The following EYS variants were observed in gnomAD, a reference collection of about 807,000 sequenced individuals.
EYS encodes the protein protein eyes shut homolog.
In EYS, 250 loss-of-function variants were observed where a neutral mutation model predicts 282.1. The observed-to-expected ratio is 0.89, with a 90% CI of 0.80 to 0.98. EYS has a LOEUF of 0.98. EYS is among the 50% of genes least tolerant of loss of function. The pLI is 0.00. For missense variants in EYS, 4,016 were observed against 3,709.0 expected, an observed-to-expected ratio of 1.08 and a Z score of -2.15; for synonymous variants, 1,355 against 1,282.9, an observed-to-expected ratio of 1.06 and a Z score of -1.20.
At chr6:64,907,637 A>G (rs1324475137) in intron 16 of EYS, among the ~76,000 whole-genome samples, 2 of 152,180 alleles carry the variant, frequency 1.3e-5, no homozygotes, top group African/African-American at 4.8e-5. Flanking sequence ...TCATCTCCAC[A>G]TGAAGAGAAC....
chr6:65,531,551 C>A (rs192962919), intron 2 of EYS, among the ~76,000 whole-genome samples: 45 of 152,210 alleles, frequency 3.0e-4, no homozygotes, highest in African/African-American at 1.0e-3. Flanking sequence ...AGGAAACATT[C>A]AAGTCCTAGT....
chr6:65,170,220 G>A (rs572212060), intron 12 of EYS, among the ~76,000 whole-genome samples: 11 of 150,802 alleles, frequency 7.3e-5, no homozygotes, highest in African/African-American at 2.2e-4. Context: ...ACACACGCGC[G>A]CGTGCACGCA....
intron 2 of EYS, among the ~76,000 whole-genome samples, chr6:65,567,242 G>A (rs1456051213): frequency 6.9e-6 from 1 of 144,936 alleles, no homozygotes; most frequent in African/African-American, 2.6e-5. Context: ...AAATATATAT[G>A]TGTATGAATA....
chr6:63,962,921 T>A (rs376438365), intron 35 of EYS, among the ~76,000 whole-genome samples: 2,611 of 152,152 alleles, frequency 0.017, 63 homozygotes, highest in African/African-American at 0.053. Flanking sequence ...ATGGAATACT[T>A]TGCAGCCATA....
At chr6:65,094,276 A>G (rs1397841721) in intron 12 of EYS, among the ~76,000 whole-genome samples, 1 of 144,548 alleles carries the variant, frequency 6.9e-6, no homozygotes, top group Non-Finnish European at 1.5e-5. Flanking sequence ...ACAGCAGGAG[A>G]TTTTAATACT....
At chr6:65,211,067 G>T (rs1766165154) in intron 12 of EYS, among the ~76,000 whole-genome samples, 1 of 151,966 alleles carries the variant, frequency 6.6e-6, no homozygotes, top group Non-Finnish European at 1.5e-5. Flanking sequence ...ATGTAAAATG[G>T]GGAAGTGTTT....
chr6:64,183,977 C>A (rs1450348376), intron 31 of EYS, among the ~76,000 whole-genome samples: 1 of 152,020 alleles, frequency 6.6e-6, no homozygotes, highest in African/African-American at 2.4e-5. Flanking sequence ...TAGTTGTAAG[C>A]AAAATACTCC....
chr6:65,144,882 A>G (rs575059239), intron 12 of EYS, among the ~76,000 whole-genome samples: 1 of 151,936 alleles, frequency 6.6e-6, no homozygotes, highest in South Asian at 2.1e-4. Flanking sequence ...CTCCTGCCTC[A>G]GCCTCCCAAG....
intron 18 of EYS, among the ~76,000 whole-genome samples, chr6:64,894,752 G>A (rs949015519): frequency 1.3e-5 from 2 of 152,080 alleles, no homozygotes; most frequent in Non-Finnish European, 2.9e-5. Context: ...GACATTTTAG[G>A]AGTTGCTGAA....
At chr6:65,648,312 ATATGTGTGTG>A (rs966215590) in intron 1 of EYS, among the ~76,000 whole-genome samples, 3 of 84,222 alleles carry the variant, frequency 3.6e-5, no homozygotes, top group African/African-American at 1.1e-4. Context: ...TAAAGAAAAT[ATATGTGTGTG>A]TGTGTGTGTG....
chr6:63,838,967 G>A (rs1047078618), intron 36 of EYS, among the ~76,000 whole-genome samples: 1 of 151,934 alleles, frequency 6.6e-6, no homozygotes, highest in South Asian at 2.1e-4. Flanking sequence ...CATTTATGGG[G>A]CACAGTGTGA....
intron 12 of EYS, among the ~76,000 whole-genome samples, chr6:65,174,844 C>G (rs1226470377): frequency 6.6e-6 from 1 of 151,240 alleles, no homozygotes; most frequent in Non-Finnish European, 1.5e-5. Context: ...ACATTTAACT[C>G]ATATTGCAAC....
intron 31 of EYS, among the ~76,000 whole-genome samples, chr6:64,138,504 T>A (rs1774236137): frequency 6.6e-6 from 1 of 152,066 alleles, no homozygotes; most frequent in African/African-American, 2.4e-5. Flanking sequence ...TATAAAACAA[T>A]AGCTGTAATT....
At chr6:65,425,792 T>C (rs1238722953) in intron 5 of EYS, among the ~76,000 whole-genome samples, 1 of 152,110 alleles carries the variant, frequency 6.6e-6, no homozygotes, top group Non-Finnish European at 1.5e-5. Context: ...TCTTCCTGGA[T>C]TTAACTGGTC....
At position 65,625,772 on chromosome 6, in the gene EYS, A is replaced by G. The variant is rs1766668303; in HGVS notation, c.-333+14006T>C. Among the ~76,000 whole-genome samples the G allele has an allele frequency of 2.6e-5, 4 of 152,218 alleles. No individual in the cohort carries two copies. In the South Asian group the frequency reaches 6.2e-4, roughly 24 times the overall value. On this transcript the variant is annotated intron_variant, in intron 2 of 42. Transcript: ENST00000503581. ...TTTTATATTTGAAATTACAGTGACA[A>G]TGATTTCCATTTAGCTCTAAAGCCA...
At position 64,838,332 on chromosome 6, in the gene EYS, A is replaced by G. The variant is rs1207990563; in HGVS notation, c.2993-15510T>C. On this transcript the variant is annotated intron_variant, in intron 19 of 42. Coordinates refer to ENST00000503581, the MANE Select transcript of EYS (RefSeq NM_001142800.2). The stretch of plus-strand genomic sequence containing the variant: ...AAATAAGATATATTTGCCAAACTTA[A>G]TGCTGATGTACATTTTTACATTAAT... Among the ~76,000 whole-genome samples the G allele has an allele frequency of 2.6e-5, 4 of 151,872 alleles. No individual in the cohort carries two copies. In the East Asian group the frequency reaches 7.8e-4, roughly 29 times the overall value.
intron 31 of EYS, among the ~76,000 whole-genome samples, chr6:64,114,813 A>G (rs1295219699): frequency 6.6e-6 from 1 of 152,082 alleles, no homozygotes; most frequent in East Asian, 1.9e-4. Flanking sequence ...TTTGCCACTG[A>G]CGTAACCAAG....
chr6:64,538,128 G>C (rs1361087), intron 26 of EYS, among the ~76,000 whole-genome samples: 1 of 152,136 alleles, frequency 6.6e-6, no homozygotes, highest in Admixed American at 6.5e-5. Context: ...AGATTTATGA[G>C]GATGCAGTAA....
At chr6:63,941,028 G>A (rs1195198986) in intron 35 of EYS, among the ~76,000 whole-genome samples, 2 of 151,926 alleles carry the variant, frequency 1.3e-5, no homozygotes, top group African/African-American at 2.4e-5. Flanking sequence ...CTTTTTTATG[G>A]CTGTATAGTA....
Sources: gnomAD v4.1 joint callset for allele counts (sites outside exome capture counted in the v4.1 genomes callset) on GRCh38, gnomAD v4.1.1 for gene constraint, MANE v1.5 for transcripts, NCBI Gene and HGNC (gene_info 2026-07-23, HGNC 2026-07-21) for gene names.